The following PTBP2 variants were observed in gnomAD, a reference collection of about 807,000 sequenced individuals.
PTBP2 encodes polypyrimidine tract binding protein 2, also known as polypyrimidine tract-binding protein 2.
Under a neutral mutation model 61.4 loss-of-function variants are expected in PTBP2, and 13 were observed. That is an observed-to-expected ratio of 0.21 (90% CI 0.14 to 0.34). The LOEUF is 0.34. PTBP2 is among the 10% of genes least tolerant of loss of function. PTBP2 has a pLI of 1.00. For missense variants in PTBP2, 405 were observed against 642.6 expected, an observed-to-expected ratio of 0.63 and a Z score of 4.00; for synonymous variants, 215 against 218.5, an observed-to-expected ratio of 0.98 and a Z score of 0.14.
chr1:96,762,505 C>T (rs1161064676), intron 3 of PTBP2, among the ~76,000 whole-genome samples: 1 of 138,478 alleles, frequency 7.2e-6, no homozygotes, highest in Non-Finnish European at 1.6e-5. Context: ...TGACCCCCGC[C>T]ACCTCCCTCC....
Position 96,804,726 on chromosome 1 carries a change from A to G in PTBP2, c.905-74A>G. The G allele has an allele frequency of 3.5e-6, 5 of 1,432,128 alleles. No homozygotes were observed. The African/African-American group carries it at 7.1e-5, about 20-fold the overall frequency. The allele number at this position is 1,432,128 out of a possible 1,614,324, so 88.7% of individuals were successfully genotyped here. Reference sequence around the variant, plus strand: ...TAAGCCATGCAGCCATCGTGCTTAAATTGGTTTTTGTAAACGACTTGTGTG... The same window carrying G: ...TAAGCCATGCAGCCATCGTGCTTAAGTTGGTTTTTGTAAACGACTTGTGTG... On this transcript the variant is annotated intron_variant, in intron 8 of 13. Transcript: ENST00000674951.
intron 3 of PTBP2, among the ~76,000 whole-genome samples, chr1:96,769,386 T>C (rs1400660350): frequency 6.6e-6 from 1 of 152,066 alleles, no homozygotes; most frequent in Non-Finnish European, 1.5e-5. Context: ...TGACTGTGAT[T>C]GTATTCTTTA....
At chr1:96,791,016 GAA>G (rs11342723) in intron 8 of PTBP2, among the ~76,000 whole-genome samples, 42 of 149,162 alleles carry the variant, frequency 2.8e-4, no homozygotes, top group East Asian at 1.6e-3. Flanking sequence ...ACATAATTGT[GAA>G]AAAAAAAAAC....
At chr1:96,784,079 AG>A (rs1408083383) in intron 7 of PTBP2, among the ~76,000 whole-genome samples, 6 of 152,110 alleles carry the variant, frequency 3.9e-5, no homozygotes, top group Non-Finnish European at 8.8e-5. Flanking sequence ...GCAACTGTAG[AG>A]GTTTACTTTT....
chr1:96,790,031 A>G lies in PTBP2; in HGVS notation c.904+4777A>G, dbSNP rs1659614998. 3.3e-5 allele frequency among the ~76,000 whole-genome samples: 5 copies of G among 152,268 alleles called. No individual in the cohort carries two copies. The South Asian group carries it at 6.2e-4, about 19-fold the overall frequency. ...AGAACAAGGTCCTATGGAGGGCCGC[A>G]CATAGTATTTGGTTGTTACATCTCA... is the stretch of plus-strand genomic sequence containing the variant. On this transcript the variant is annotated intron_variant, in intron 8 of 13. Coordinates refer to ENST00000674951, the MANE Select transcript of PTBP2 (RefSeq NM_021190.4).
In PTBP2 at chr1:96,743,449, A is replaced by G. The variant is rs1354725052; in HGVS notation, c.40-7976A>G. Among the ~76,000 whole-genome samples the G allele has an allele frequency of 2.0e-5, 3 of 152,132 alleles. No individual in the cohort carries two copies. In the East Asian group the frequency reaches 5.8e-4, roughly 29 times the overall value. On this transcript the variant is annotated intron_variant, in intron 2 of 13. Transcript: ENST00000674951. ...ATGTACTCTATGTAATTCCTGTTGT[A>G]TGTCAGCTTGCTCCATCTATTACAG...
chr1:96,764,483 A>G (rs998652224), intron 3 of PTBP2, among the ~76,000 whole-genome samples: 3 of 152,220 alleles, frequency 2.0e-5, no homozygotes, highest in Admixed American at 1.3e-4. Context: ...TTAGGTATAC[A>G]TATTTCTGCC....
At chr1:96,779,870 T>C (rs540603537) in intron 7 of PTBP2, among the ~76,000 whole-genome samples, 3 of 152,002 alleles carry the variant, frequency 2.0e-5, no homozygotes, top group African/African-American at 7.2e-5. Flanking sequence ...TCACATAATA[T>C]TACATAATCT....
At chr1:96,745,254 C>T (rs760303770) in intron 2 of PTBP2, among the ~76,000 whole-genome samples, 9 of 152,056 alleles carry the variant, frequency 5.9e-5, no homozygotes, top group Non-Finnish European at 1.2e-4. Context: ...GCTTCGCCTC[C>T]CTGGTTCACC....
intron 3 of PTBP2, among the ~76,000 whole-genome samples, chr1:96,758,238 A>G (rs1361493015): frequency 2.0e-5 from 3 of 152,076 alleles, no homozygotes; most frequent in Admixed American, 1.3e-4. Flanking sequence ...ATAGCTTAAC[A>G]GCTATATACT....
rs567547815 is a variant in PTBP2 at position 96,739,392 on chromosome 1, T to C, written c.40-12033T>C. Among the ~76,000 whole-genome samples the C allele has an allele frequency of 3.4e-4, 52 of 152,170 alleles. No homozygotes were observed. The South Asian group carries it at 0.01, about 30-fold the overall frequency. On this transcript the variant is annotated intron_variant, in intron 2 of 13. Transcript: ENST00000674951. ...TTATTCTTATACGTACTTAATAATA[T>C]TACATTGCAAAACCCATCTCCAGAA...
At chr1:96,756,133 T>A (rs922947534) in intron 3 of PTBP2, among the ~76,000 whole-genome samples, 7 of 152,168 alleles carry the variant, frequency 4.6e-5, no homozygotes, top group Non-Finnish European at 1.0e-4. Context: ...GCACAGTGGC[T>A]TACGCCTGTA....
intron 8 of PTBP2, among the ~76,000 whole-genome samples, chr1:96,798,077 A>T (rs1277732119): frequency 7.4e-6 from 1 of 135,408 alleles, no homozygotes; most frequent in East Asian, 2.2e-4. Context: ...CTCTGTCTCT[A>T]AAAAAAAAAA....
chr1:96,765,780 T>C (rs934467142), intron 3 of PTBP2, among the ~76,000 whole-genome samples: 1 of 152,032 alleles, frequency 6.6e-6, no homozygotes, highest in Non-Finnish European at 1.5e-5. Context: ...AGTGTTTATA[T>C]TTAATAAGTA....
intron 2 of PTBP2, among the ~76,000 whole-genome samples, chr1:96,743,219 G>A (rs569557791): frequency 2.6e-5 from 4 of 151,814 alleles, no homozygotes; most frequent in South Asian, 2.1e-4. Context: ...CCCGGGAGGC[G>A]GAGCTTGCAG....
At chr1:96,765,823 T>G (rs1292316587) in intron 3 of PTBP2, among the ~76,000 whole-genome samples, 1 of 152,072 alleles carries the variant, frequency 6.6e-6, no homozygotes, top group Non-Finnish European at 1.5e-5. Flanking sequence ...AAAAACAGCA[T>G]GGGAAACTAA....
intron 11 of PTBP2, among the ~76,000 whole-genome samples, chr1:96,810,052 TTGATAA>T (rs1557780119): frequency 2.0e-5 from 3 of 151,282 alleles, no homozygotes; most frequent in African/African-American, 4.9e-5. Context: ...GGGAGAAGCA[TTGATAA>T]AGCTCCAGTT....
At chr1:96,742,287 GATTTTAAACAGCTTAT>G (rs1267960854) in intron 2 of PTBP2, among the ~76,000 whole-genome samples, 1 of 152,070 alleles carries the variant, frequency 6.6e-6, no homozygotes, top group African/African-American at 2.4e-5. Flanking sequence ...ATATTAAAAG[GATTTTAAACAGCTTAT>G]ATGTAAGGGA....
At chr1:96,770,266 A>C (rs1458389863) in intron 4 of PTBP2, among the ~76,000 whole-genome samples, 4 of 152,062 alleles carry the variant, frequency 2.6e-5, no homozygotes, top group Non-Finnish European at 5.9e-5. Context: ...CATTTAGAAG[A>C]ATTTATGAAA....
Sources: allele counts gnomAD v4.1 joint callset (sites outside exome capture counted in the v4.1 genomes callset), GRCh38; gene constraint gnomAD v4.1.1; transcripts MANE v1.5; gene names NCBI Gene and HGNC (gene_info 2026-07-23, HGNC 2026-07-21).